The following UBASH3B variants were observed in gnomAD, a reference collection of about 807,000 sequenced individuals.
UBASH3B encodes ubiquitin associated and SH3 domain containing B.
A neutral mutation model predicts 83.4 loss-of-function variants in UBASH3B; 37 were observed. The ratio of observed to expected loss-of-function variants is 0.44; its 90% CI spans 0.34 to 0.58. The LOEUF (loss-of-function observed/expected upper bound fraction) is 0.58. Ranked by LOEUF, UBASH3B falls within the 20% of genes least tolerant of loss-of-function variation. UBASH3B has a pLI of 0.01. For synonymous variants in UBASH3B, 304 were observed against 318.3 expected, an observed-to-expected ratio of 0.96 and a Z score of 0.48; for missense variants, 657 against 827.2, an observed-to-expected ratio of 0.79 and a Z score of 2.52.
intron 1 of UBASH3B, among the ~76,000 whole-genome samples, chr11:122,713,518 G>A (rs1462321916): frequency 6.6e-6 from 1 of 152,162 alleles, no homozygotes; most frequent in Non-Finnish European, 1.5e-5. Flanking sequence ...AGCCTCTTAG[G>A]AGTGTGTGTG....
At chr11:122,777,935 G>A (rs528407079) in intron 3 of UBASH3B, among the ~76,000 whole-genome samples, 4 of 152,014 alleles carry the variant, frequency 2.6e-5, no homozygotes, top group Admixed American at 6.5e-5. Flanking sequence ...TCACCATGTT[G>A]GCCAGGCTGG....
chr11:122,808,268 GT>G, intron 13 of UBASH3B, 92 bp downstream of exon 13: 1 of 1,005,300 alleles, frequency 9.9e-7, no homozygotes, highest in Non-Finnish European at 1.6e-6. Context: ...TGAAGCATGT[GT>G]TTATGCTGAG....
chr11:122,722,319 T>C (rs1359256155), intron 1 of UBASH3B, among the ~76,000 whole-genome samples: 1 of 152,208 alleles, frequency 6.6e-6, no homozygotes, highest in African/African-American at 2.4e-5. Context: ...GTCCTGGTTC[T>C]CTCCTGCACT....
chr11:122,777,799 G>A (rs765590211), intron 3 of UBASH3B, among the ~76,000 whole-genome samples: 4 of 152,170 alleles, frequency 2.6e-5, no homozygotes, highest in East Asian at 1.9e-4. Context: ...GCATGATCTC[G>A]GCTCACTGCA....
intron 5 of UBASH3B, among the ~76,000 whole-genome samples, chr11:122,785,460 A>C (rs1157711887): frequency 6.6e-6 from 1 of 152,188 alleles, no homozygotes; most frequent in Non-Finnish European, 1.5e-5. Context: ...CTGGCAAGGC[A>C]CCGTGATGCT....
chr11:122,791,077 C>A (rs1351317247), intron 6 of UBASH3B, among the ~76,000 whole-genome samples: 1 of 152,224 alleles, frequency 6.6e-6, no homozygotes, highest in African/African-American at 2.4e-5. Context: ...TGACTTCGGT[C>A]AGTGCGTCCC....
intron 1 of UBASH3B, among the ~76,000 whole-genome samples, chr11:122,716,919 A>T (rs1362431930): frequency 6.6e-6 from 1 of 152,158 alleles, no homozygotes; most frequent in East Asian, 1.9e-4. Context: ...TGGAGATGTT[A>T]GATGGAATCA....
Position 122,776,186 on chromosome 11 carries a change from T to C in UBASH3B, c.162-33T>C. 6 of 1,607,334 alleles carry C rather than the reference T, an allele frequency of 3.7e-6. No individual in the cohort carries two copies. The East Asian group carries it at 1.1e-4, about 30-fold the overall frequency. ...CACTGCAGGGAGAGGAGGCTAAAAA[T>C]ATTAACAATAGAAATTTGATTTCTT... On this transcript the variant is annotated intron_variant, in intron 1 of 13. Coordinates refer to ENST00000284273, the MANE Select transcript of UBASH3B (RefSeq NM_032873.5).
At chr11:122,709,063 A>G (rs1486710493) in intron 1 of UBASH3B, among the ~76,000 whole-genome samples, 6 of 152,220 alleles carry the variant, frequency 3.9e-5, no homozygotes, top group African/African-American at 1.2e-4. Context: ...CCTGGGCAAC[A>G]TGGTGAAACA....
chr11:122,676,098 A>G (rs2135904568), intron 1 of UBASH3B, among the ~76,000 whole-genome samples: 1 of 152,282 alleles, frequency 6.6e-6, no homozygotes, highest in South Asian at 2.1e-4. Context: ...AGCCCTTGTA[A>G]GATTTCATTA....
chr11:122,797,297 A>T (rs541368277), intron 9 of UBASH3B: 1 of 327,404 alleles, frequency 3.1e-6, no homozygotes, highest in South Asian at 5.1e-5. Context: ...TCACTCTTGG[A>T]TGTAGCAGAC....
At position 122,666,167 on chromosome 11, in the gene UBASH3B, C is replaced by A. The variant is rs181207209; in HGVS notation, c.161+9957C>A. 5.9e-5 allele frequency among the ~76,000 whole-genome samples: 9 copies of A among 152,200 alleles called. 1 individual carries two copies. Among genetic ancestry groups the A allele is most frequent in the Admixed American group, 3.3e-4 (5 of 15,280 alleles). On this transcript the variant is annotated intron_variant, in intron 1 of 13. Transcript: ENST00000284273. ...TTTCTTTCAGGTTTTGTTGGGTGAA[C>A]CTTCTTGGTGATTCAGGTAGCAGGA...
At chr11:122,749,830 G>A (rs771258698) in intron 1 of UBASH3B, among the ~76,000 whole-genome samples, 44 of 152,136 alleles carry the variant, frequency 2.9e-4, no homozygotes, top group Admixed American at 5.9e-4. Flanking sequence ...CCTTCTGGGC[G>A]CAAGCTATTC....
chr11:122,787,149 GA>G (rs1860970506), intron 5 of UBASH3B, among the ~76,000 whole-genome samples: 1 of 152,198 alleles, frequency 6.6e-6, no homozygotes, highest in Non-Finnish European at 1.5e-5. Context: ...GTTTCCCTGT[GA>G]CTCGGTGACT....
intron 1 of UBASH3B, among the ~76,000 whole-genome samples, chr11:122,734,732 C>T (rs1860903954): frequency 2.0e-5 from 3 of 151,846 alleles, no homozygotes; most frequent in African/African-American, 7.3e-5. Flanking sequence ...CATTTTCCCC[C>T]CTCATCAGAT....
At chr11:122,700,708 G>A (rs1027425596) in intron 1 of UBASH3B, among the ~76,000 whole-genome samples, 1 of 152,252 alleles carries the variant, frequency 6.6e-6, no homozygotes, top group East Asian at 1.9e-4. Context: ...TGTTGGTCAA[G>A]CTGGTCTTGA....
chr11:122,739,378 G>C (rs1160283671), intron 1 of UBASH3B, among the ~76,000 whole-genome samples: 3 of 152,146 alleles, frequency 2.0e-5, no homozygotes, highest in African/African-American at 7.2e-5. Flanking sequence ...TTTAACCTTG[G>C]CTAGGTCACT....
At position 122,742,971 on chromosome 11, in the gene UBASH3B, T is replaced by C. The variant is rs111429788; in HGVS notation, c.162-33248T>C. Among the ~76,000 whole-genome samples the C allele has an allele frequency of 2.5e-3, 384 of 152,234 alleles. 1 individual carries two copies. Among genetic ancestry groups the C allele is most frequent in the African/African-American group, 8.9e-3 (370 of 41,550 alleles). On this transcript the variant is annotated intron_variant, in intron 1 of 13. Transcript: ENST00000284273. Reference sequence around the variant, plus strand: ...TTTTGTGTGTGTGGTGTGTGAGAAATGGGATAGAGTGAGTGCCTCCATGGC... The same window carrying C: ...TTTTGTGTGTGTGGTGTGTGAGAAACGGGATAGAGTGAGTGCCTCCATGGC...
At chr11:122,730,383 G>A (rs1208718539) in intron 1 of UBASH3B, among the ~76,000 whole-genome samples, 4 of 152,116 alleles carry the variant, frequency 2.6e-5, no homozygotes, top group Non-Finnish European at 4.4e-5. Flanking sequence ...GGACTTGGCC[G>A]GGCACAGTGG....
Sources: gnomAD v4.1 joint callset for allele counts (sites outside exome capture counted in the v4.1 genomes callset) on GRCh38, gnomAD v4.1.1 for gene constraint, MANE v1.5 for transcripts, NCBI Gene and HGNC (gene_info 2026-07-23, HGNC 2026-07-21) for gene names.